Variants in SEZ6L observed in about 807,000 individuals in gnomAD.
SEZ6L encodes the protein seizure 6-like protein.
In SEZ6L, 37 loss-of-function variants were observed where a neutral mutation model predicts 106.2. The observed-to-expected ratio is 0.35, with a 90% CI of 0.27 to 0.46. The LOEUF is 0.46. Among genes scored for constraint, SEZ6L ranks in the 20% least tolerant of loss-of-function variants. The pLI is 1.00. For missense variants in SEZ6L, 1,172 were observed against 1,332.8 expected (o/e 0.88, Z 1.88); for synonymous variants, 541 against 570.4 (o/e 0.95, Z 0.73).
chr22:26,190,450 G>A (rs1180388452), intron 1 of SEZ6L, among the ~76,000 whole-genome samples: 1 of 152,182 alleles, frequency 6.6e-6, no homozygotes, highest in Non-Finnish European at 1.5e-5. Context: ...ATGATGATAG[G>A]TTAAGCACGC....
chr22:26,281,823 A>G (rs1374316421), intron 1 of SEZ6L, among the ~76,000 whole-genome samples: 1 of 152,154 alleles, frequency 6.6e-6, no homozygotes, highest in East Asian at 1.9e-4. Context: ...GGTAAACACC[A>G]TTCTACCCTC....
intron 9 of SEZ6L, among the ~76,000 whole-genome samples, chr22:26,336,977 T>A (rs3788389): frequency 0.083 from 12,622 of 152,150 alleles, 831 homozygotes; most frequent in Admixed American, 0.23. Flanking sequence ...ACGATGATGA[T>A]GCCAAAAATG....
In SEZ6L at chr22:26,381,976, TA is replaced by T. The variant is rs540636505; in HGVS notation, c.*1683del. ...TTTGGTGGTTACATTGGAAACATCTTAAGCAAGATAGGGAAAGTTGATTTTA... is the reference window on the plus strand; with the variant it reads ...TTTGGTGGTTACATTGGAAACATCTTAGCAAGATAGGGAAAGTTGATTTTA... On this transcript the variant is annotated 3_prime_UTR_variant, in exon 17 of 17. Coordinates refer to ENST00000248933, the MANE Select transcript of SEZ6L (RefSeq NM_021115.5). 1,937 of 517,088 alleles carry T rather than the reference TA, an allele frequency of 3.7e-3. 9 individuals carry two copies. Among genetic ancestry groups the T allele is most frequent in the Non-Finnish European group, 6.0e-3 (1,546 of 258,956 alleles). The allele number at this position is 517,088 out of a possible 1,614,324, so 32.0% of individuals were successfully genotyped here. A position where few individuals can be genotyped will look rare whatever the true frequency, so the allele number is the denominator to read the frequency against.
intron 1 of SEZ6L, among the ~76,000 whole-genome samples, chr22:26,240,450 G>A (rs149103762): frequency 3.3e-5 from 5 of 152,254 alleles, no homozygotes; most frequent in African/African-American, 1.2e-4. Context: ...AAATGGGCAC[G>A]ATAATAGTAC....
chr22:26,340,312 C>A, intron 9 of SEZ6L, 124 bp from the exon 10 acceptor site: 1 of 837,408 alleles, frequency 1.2e-6, no homozygotes, highest in Non-Finnish European at 1.9e-6. Flanking sequence ...GGTTAAGACA[C>A]ATAGCCTGGA....
chr22:26,284,160 G>T (rs1281593104), intron 1 of SEZ6L, among the ~76,000 whole-genome samples: 1 of 152,208 alleles, frequency 6.6e-6, no homozygotes, highest in Non-Finnish European at 1.5e-5. Flanking sequence ...CAGAGGAGGG[G>T]AATGGCTGTC....
chr22:26,344,118 A>T (rs1260318475), intron 10 of SEZ6L, among the ~76,000 whole-genome samples: 1 of 152,190 alleles, frequency 6.6e-6, no homozygotes, highest in Non-Finnish European at 1.5e-5. Flanking sequence ...AATTCTGAAG[A>T]TCCTATATTG....
intron 1 of SEZ6L, among the ~76,000 whole-genome samples, chr22:26,274,625 A>G (rs937613624): frequency 6.6e-6 from 1 of 152,168 alleles, no homozygotes; most frequent in Non-Finnish European, 1.5e-5. Context: ...AAGCCATCAT[A>G]CCCAGCCATA....
intron 6 of SEZ6L, among the ~76,000 whole-genome samples, chr22:26,307,006 A>G (rs565774311): frequency 7.9e-5 from 12 of 152,318 alleles, no homozygotes; most frequent in African/African-American, 2.6e-4. Context: ...AAGCACTAGG[A>G]GGCACATGGG....
At chr22:26,211,427 C>T (rs1427869529) in intron 1 of SEZ6L, among the ~76,000 whole-genome samples, 1 of 152,116 alleles carries the variant, frequency 6.6e-6, no homozygotes, top group Non-Finnish European at 1.5e-5. Flanking sequence ...AGGTCCTAGG[C>T]CCAGAATATA....
At chr22:26,310,047 A>C (rs919638116) in intron 6 of SEZ6L, among the ~76,000 whole-genome samples, 1 of 152,250 alleles carries the variant, frequency 6.6e-6, no homozygotes, top group Non-Finnish European at 1.5e-5. Flanking sequence ...AGATTAGTCC[A>C]TTATTTCCAA....
rs767713226 is a variant in SEZ6L at position 26,292,975 on chromosome 22, G to A, written c.664G>A (p.Gly222Arg). 89 of 1,613,700 alleles carry A rather than the reference G, an allele frequency of 5.5e-5. No homozygotes were observed. The highest frequency in any genetic ancestry group is 4.8e-4 in the South Asian group (44 of 91,028). ...AHTLPQRPEP[G>R]EPGPDMAQEA... ...CACACTCCCCCAGAGGCCAGAACCCGGGGAGCCTGGGCCTGACATGGCCCA... is the reference window on the plus strand; with the variant it reads ...CACACTCCCCCAGAGGCCAGAACCCAGGGAGCCTGGGCCTGACATGGCCCA... The change falls in exon 2 of 17, where the codon GGG becomes AGG. Residue 222 changes from glycine (G) to arginine (R), a missense_variant. Around this residue, in one of 4 missense-constraint regions of SEZ6L, gnomAD observed 494 missense variants for 445.8 expected, o/e 1.11. Transcript: ENST00000248933.
intron 9 of SEZ6L, among the ~76,000 whole-genome samples, chr22:26,323,491 G>A (rs2082214507): frequency 6.6e-6 from 1 of 152,142 alleles, no homozygotes; most frequent in East Asian, 1.9e-4. Context: ...AAATTAGCCA[G>A]GCATGGTGGC....
At chr22:26,293,456 G>C (rs1254623102) in intron 2 of SEZ6L, among the ~76,000 whole-genome samples, 4 of 152,198 alleles carry the variant, frequency 2.6e-5, no homozygotes, top group African/African-American at 7.2e-5. Context: ...TCAGCCTCTT[G>C]AGTAGCTGGG....
At chr22:26,224,518 G>A (rs867758391) in intron 1 of SEZ6L, among the ~76,000 whole-genome samples, 1 of 152,142 alleles carries the variant, frequency 6.6e-6, no homozygotes, top group Admixed American at 6.5e-5. Flanking sequence ...ATTAGAGCAG[G>A]GAGTGGCTTC....
chr22:26,324,309 A>G (rs2082246517), intron 9 of SEZ6L, among the ~76,000 whole-genome samples: 2 of 152,062 alleles, frequency 1.3e-5, no homozygotes. Context: ...AGAGTTCCCA[A>G]CATTGCTCCC....
intron 11 of SEZ6L, among the ~76,000 whole-genome samples, chr22:26,349,353 C>T (rs2083196419): frequency 6.6e-6 from 1 of 152,166 alleles, no homozygotes; most frequent in South Asian, 2.1e-4. Flanking sequence ...CTTAAAATTA[C>T]ATTGGTAACG....
chr22:26,261,869 T>A (rs2080019449), intron 1 of SEZ6L, among the ~76,000 whole-genome samples: 1 of 151,982 alleles, frequency 6.6e-6, no homozygotes, highest in Non-Finnish European at 1.5e-5. Flanking sequence ...TGGACTGAGA[T>A]TATTGGAGGT....
At chr22:26,308,890 G>T (rs1331145673) in intron 6 of SEZ6L, among the ~76,000 whole-genome samples, 5 of 152,116 alleles carry the variant, frequency 3.3e-5, no homozygotes, top group African/African-American at 4.8e-5. Context: ...TTTGAAAGAG[G>T]TGTCCCAACA....
Sources: gnomAD v4.1 joint callset for allele counts (sites outside exome capture counted in the v4.1 genomes callset) on GRCh38, gnomAD v4.1.1 for gene constraint, gnomAD v4.1.1 regional missense constraint, MANE v1.5 for transcripts, NCBI Gene and HGNC (gene_info 2026-07-23, HGNC 2026-07-21) for gene names.